SLC44A1: variants seen among roughly 807,000 people sequenced by gnomAD.
The protein encoded by SLC44A1 is choline transporter-like protein 1.
Under a neutral mutation model 79.3 loss-of-function variants are expected in SLC44A1, and 26 were observed. The observed-to-expected ratio is 0.33, with a 90% CI of 0.24 to 0.46. The LOEUF (loss-of-function observed/expected upper bound fraction) is 0.46, where lower values mean the gene tolerates loss of function less well. Among genes scored for constraint, SLC44A1 ranks in the 20% least tolerant of loss-of-function variants. The probability of loss-of-function intolerance (pLI) is 1.00; values close to 1 mark genes in which losing one functional copy is unlikely to be tolerated. For synonymous variants in SLC44A1, 263 were observed against 286.2 expected, an observed-to-expected ratio of 0.92 and a Z score of 0.82; for missense variants, 688 against 798.1, an observed-to-expected ratio of 0.86 and a Z score of 1.66.
In SLC44A1 at chr9:105,422,706, C is replaced by A. The variant is rs73514045; in HGVS notation, c.1951-15575C>A. 6.5e-3 allele frequency among the ~76,000 whole-genome samples: 983 copies of A among 152,190 alleles called. 9 individuals are homozygous for A. The highest frequency in any genetic ancestry group is 0.023 in the African/African-American group (934 of 41,510). On this transcript the variant is annotated intron_variant, in intron 15 of 15. Coordinates refer to the SLC44A1 transcript ENST00000374724. ...GCCAAATTTGCATTGTAAAATGGTA[C>A]CCACTAAATTATAATTCCCTGGGGG...
At chr9:105,384,016 A>G (rs1344295190) in intron 14 of SLC44A1, among the ~76,000 whole-genome samples, 1 of 152,328 alleles carries the variant, frequency 6.6e-6, no homozygotes, top group Middle Eastern at 3.4e-3. Flanking sequence ...TTACCAAAGT[A>G]AAGATGCTTT....
rs762288485 is a variant in SLC44A1, at chr9:105,395,558, G to T, written c.*6502G>T. On this transcript the variant is annotated 3_prime_UTR_variant, in exon 16 of 16. Transcript: ENST00000374720. Reference sequence around the variant, plus strand: ...TGAACCTTCCACAGTAGTAAATGCAGAGACCACTGGTGGAAATTCCCATGT... The same window carrying T: ...TGAACCTTCCACAGTAGTAAATGCATAGACCACTGGTGGAAATTCCCATGT... 3 of 985,480 alleles carry T rather than the reference G, an allele frequency of 3.0e-6. No homozygotes were observed. Among genetic ancestry groups the T allele is most frequent in the Non-Finnish European group, 3.6e-6 (3 of 829,968 alleles). 61.0% of individuals were successfully genotyped at this position (985,480 alleles called of 1,614,324 possible).
At chr9:105,423,960 T>C (rs1369102251) in intron 15 of SLC44A1, among the ~76,000 whole-genome samples, 1 of 152,172 alleles carries the variant, frequency 6.6e-6, no homozygotes, top group Non-Finnish European at 1.5e-5. Flanking sequence ...TCCAACATCA[T>C]GGAAGATGAA....
intron 1 of SLC44A1, among the ~76,000 whole-genome samples, chr9:105,259,502 A>G (rs1193987921): frequency 6.6e-6 from 1 of 152,234 alleles, no homozygotes; most frequent in Non-Finnish European, 1.5e-5. Context: ...GAAGGCAGAG[A>G]TTCCTACCAT....
intron 3 of SLC44A1, 134 bp downstream of exon 3, chr9:105,310,000 AT>A (rs967296371): frequency 8.9e-6 from 8 of 897,908 alleles, no homozygotes; most frequent in South Asian, 2.1e-5. Flanking sequence ...GGTGTGTTTG[AT>A]TTTTTTTCAC....
chr9:105,309,911 A>T, intron 3 of SLC44A1, 45 bp downstream of exon 3: 1 of 1,581,192 alleles, frequency 6.3e-7, no homozygotes, highest in South Asian at 1.2e-5. Context: ...ACTTTGAAAG[A>T]GGCACAGAGA....
At chr9:105,402,659 C>T (rs1014915142) in intron 15 of SLC44A1, among the ~76,000 whole-genome samples, 4 of 134,012 alleles carry the variant, frequency 3.0e-5, no homozygotes, top group Admixed American at 8.1e-5. Flanking sequence ...ATAACAAAGG[C>T]GTGTGTCGCT....
intron 15 of SLC44A1, among the ~76,000 whole-genome samples, chr9:105,434,156 T>C (rs1204419462): frequency 6.6e-6 from 1 of 151,984 alleles, no homozygotes; most frequent in Non-Finnish European, 1.5e-5. Context: ...TAGCCAACAT[T>C]GTGAAACCCC....
intron 15 of SLC44A1, among the ~76,000 whole-genome samples, chr9:105,421,496 G>A (rs985121368): frequency 2.0e-5 from 3 of 151,174 alleles, no homozygotes; most frequent in African/African-American, 7.3e-5. Flanking sequence ...GATTACAGGA[G>A]TTTATATAGT....
rs1480307536 is a variant in SLC44A1, at chr9:105,299,322, T to C, written c.126+13T>C. 1 of 1,548,544 alleles carries C rather than the reference T, an allele frequency of 6.5e-7. No individual in the cohort carries two copies. The highest frequency in any genetic ancestry group is 1.4e-5 in the African/African-American group (1 of 71,258). On this transcript the variant is annotated intron_variant, in intron 2 of 15. Transcript: ENST00000374720. The stretch of plus-strand genomic sequence containing the variant: ...CTGCATTGGGATGGTAAGGAAACTC[T>C]CACAGATGGTCCAAACTGGACTCAT...
intron 13 of SLC44A1, among the ~76,000 whole-genome samples, chr9:105,381,548 G>GA (rs564135508): frequency 1.9e-3 from 233 of 125,086 alleles, no homozygotes; most frequent in African/African-American, 5.7e-3. Context: ...ACTCTGTCTC[G>GA]AAAAAAAAAA....
chr9:105,393,155 C>A lies in SLC44A1; in HGVS notation c.*4099C>A. ...TGTGGGTTCATAAGTAAAAGCGTAACGCAGATATTTGTGTATTCTGTATTC... is the reference window on the plus strand; with the variant it reads ...TGTGGGTTCATAAGTAAAAGCGTAAAGCAGATATTTGTGTATTCTGTATTC... On this transcript the variant is annotated 3_prime_UTR_variant, in exon 16 of 16. Coordinates refer to ENST00000374720, the MANE Select transcript of SLC44A1 (RefSeq NM_080546.5). The A allele has an allele frequency of 8.1e-6, 8 of 985,404 alleles. No homozygotes were observed. The highest frequency in any genetic ancestry group is 9.6e-6 in the Non-Finnish European group (8 of 829,928). 61.0% of individuals were successfully genotyped at this position (985,404 alleles called of 1,614,324 possible).
chr9:105,351,660 A>AAGAAAG (rs1284013497), intron 5 of SLC44A1, among the ~76,000 whole-genome samples: 1 of 143,608 alleles, frequency 7.0e-6, no homozygotes. Flanking sequence ...GAAAGAAAGA[A>AAGAAAG]AGAAAGAAAG....
chr9:105,272,247 A>C (rs1220040283), intron 1 of SLC44A1, among the ~76,000 whole-genome samples: 9 of 152,140 alleles, frequency 5.9e-5, no homozygotes, highest in Admixed American at 5.9e-4. Context: ...TGTACTGTAG[A>C]TATTCATTTT....
At chr9:105,432,201 G>T (rs556573836) in intron 15 of SLC44A1, among the ~76,000 whole-genome samples, 18 of 152,232 alleles carry the variant, frequency 1.2e-4, no homozygotes, top group African/African-American at 4.1e-4. Flanking sequence ...GGATTACAGG[G>T]GTGAGCCACA....
At chr9:105,312,264 G>A (rs1049669783) in intron 3 of SLC44A1, among the ~76,000 whole-genome samples, 15 of 151,862 alleles carry the variant, frequency 9.9e-5, no homozygotes, top group African/African-American at 3.1e-4. Flanking sequence ...CTCATCCTTC[G>A]GCTCTCAGCA....
chr9:105,285,114 T>C (rs1189743725), intron 1 of SLC44A1, among the ~76,000 whole-genome samples: 1 of 152,260 alleles, frequency 6.6e-6, no homozygotes, highest in Non-Finnish European at 1.5e-5. Flanking sequence ...TGCAAAATTA[T>C]ATTCTATGGC....
chr9:105,385,690 C>A, intron 15 of SLC44A1, 188 bp downstream of exon 15: 1 of 985,406 alleles, frequency 1.0e-6, no homozygotes, highest in Non-Finnish European at 1.2e-6. Flanking sequence ...CAACTGAGAC[C>A]ACCTTCTATA....
intron 4 of SLC44A1, among the ~76,000 whole-genome samples, chr9:105,336,134 A>ATG (rs35324360): frequency 0.056 from 8,139 of 145,008 alleles, 269 homozygotes; most frequent in African/African-American, 0.099. Context: ...GTGTGTGTGC[A>ATG]TGTGTGTGTG....
Sources: gnomAD v4.1 joint callset for allele counts (sites outside exome capture counted in the v4.1 genomes callset) on GRCh38, gnomAD v4.1.1 for gene constraint, MANE v1.5 for transcripts, NCBI Gene and HGNC (gene_info 2026-07-23, HGNC 2026-07-21) for gene names.